MIDEAS: variants seen among roughly 807,000 people sequenced by gnomAD.
The protein encoded by MIDEAS is mitotic deacetylase-associated SANT domain protein.
MIDEAS carries 26 observed loss-of-function variants against 102.7 expected under a neutral mutation model. The observed-to-expected ratio is 0.25, with a 90% CI of 0.19 to 0.35. MIDEAS has a LOEUF of 0.35. Among genes scored for constraint, MIDEAS ranks in the 10% least tolerant of loss-of-function variants. The pLI is 1.00. For missense variants in MIDEAS, 1,231 were observed against 1,435.6 expected, an observed-to-expected ratio of 0.86 and a Z score of 2.30; for synonymous variants, 585 against 591.0, an observed-to-expected ratio of 0.99 and a Z score of 0.15.
chr14:73,782,808 TGACA>T (rs1203852142), intron 1 of MIDEAS, among the ~76,000 whole-genome samples: 1 of 152,178 alleles, frequency 6.6e-6, no homozygotes, highest in African/African-American at 2.4e-5. Flanking sequence ...GGGAAGATAC[TGACA>T]GTCAGGAAAG....
chr14:73,784,816 C>T (rs990684925), intron 1 of MIDEAS, among the ~76,000 whole-genome samples: 6 of 152,214 alleles, frequency 3.9e-5, no homozygotes, highest in African/African-American at 1.2e-4. Flanking sequence ...ACCATACATG[C>T]CAGACTTTCC....
chr14:73,766,273 G>T (rs2065254760), intron 1 of MIDEAS, among the ~76,000 whole-genome samples: 1 of 152,232 alleles, frequency 6.6e-6, no homozygotes, highest in African/African-American at 2.4e-5. Context: ...GCACAGCCTA[G>T]ATCTTCCTCA....
At chr14:73,771,583 C>G (rs1247736515) in intron 1 of MIDEAS, among the ~76,000 whole-genome samples, 1 of 152,186 alleles carries the variant, frequency 6.6e-6, no homozygotes, top group East Asian at 1.9e-4. Flanking sequence ...AGGCCATTCA[C>G]CAGATGTCCA....
intron 2 of MIDEAS, 30 bp from the exon 3 acceptor site, chr14:73,737,327 TA>T (rs1566590958): frequency 6.3e-7 from 1 of 1,592,606 alleles, no homozygotes; most frequent in Non-Finnish European, 8.6e-7. Flanking sequence ...AAGTGCAATT[TA>T]AAAGGTAAGT....
In MIDEAS at chr14:73,721,288, C is replaced by T. The variant is rs775171109; in HGVS notation, c.2937+9G>A. The T allele has an allele frequency of 6.2e-7, 1 of 1,611,232 alleles. No individual in the cohort carries two copies. ...TGCCCTGGGCTCAGCCCATGGTGGT[C>T]ACACTCACCGACTCATTGGCCTGTA... On this transcript the variant is annotated intron_variant, in intron 11 of 12. Transcript: ENST00000423556.
Position 73,718,677 on chromosome 14 carries a change from C to T in MIDEAS, c.*166G>A. On this transcript the variant is annotated 3_prime_UTR_variant, in exon 13 of 13. Coordinates refer to ENST00000423556, the MANE Select transcript of MIDEAS (RefSeq NM_001367710.1). ...GAGCCCTTAACGCTGCTCCCAGGGC[C>T]TTCATAAATAAAAGAGCCGTTTATG... 1.5e-6 allele frequency: 1 copy of T among 672,816 alleles called. No homozygotes were observed. The highest frequency in any genetic ancestry group is 2.2e-6 in the Non-Finnish European group (1 of 461,436). The allele number at this position is 672,816 out of a possible 1,614,324, so 41.7% of individuals were successfully genotyped here. A position where few individuals can be genotyped will look rare whatever the true frequency, so the allele number is the denominator to read the frequency against.
chr14:73,785,788 A>T (rs1052500439), intron 1 of MIDEAS, among the ~76,000 whole-genome samples: 3 of 152,190 alleles, frequency 2.0e-5, no homozygotes, highest in Admixed American at 1.3e-4. Flanking sequence ...GCTGCCTAAG[A>T]TAGGAGTGCA....
In MIDEAS at chr14:73,738,989, G is replaced by A; in HGVS notation, c.1020C>T (p.Ile340=). Residue 340 remains isoleucine, a synonymous_variant, in exon 2 of 13, where the codon ATC becomes ATT. Transcript: ENST00000423556. ...APQPALPQVQ[I]PFPRRSRRLS... ...GGCGGCGGGAGCGGCGGGGGAAGGG[G>A]ATCTGGACCTGAGGTAGCGCTGGCT... 3.9e-6 allele frequency: 6 copies of A among 1,536,216 alleles called. No homozygotes were observed. The Middle Eastern group carries it at 7.1e-4, about 181-fold the overall frequency.
At chr14:73,765,187 G>A (rs1361243412), upstream of MIDEAS, among the ~76,000 whole-genome samples, 1 of 152,200 alleles carries the variant, frequency 6.6e-6, no homozygotes, top group East Asian at 1.9e-4. Flanking sequence ...AGAGGAACAG[G>A]AACTCCAGAG....
intron 1 of MIDEAS, among the ~76,000 whole-genome samples, chr14:73,780,259 G>C (rs2053742750): frequency 6.6e-6 from 1 of 152,124 alleles, no homozygotes. Context: ...TACTCTCCCA[G>C]TGACAGATCC....
At chr14:73,730,817 G>T (rs2053128747) in intron 3 of MIDEAS, among the ~76,000 whole-genome samples, 2 of 152,164 alleles carry the variant, frequency 1.3e-5, no homozygotes, top group Admixed American at 6.5e-5. Context: ...AATTAGCCGG[G>T]CATGGTGGCG....
At chr14:73,740,795 G>A (rs17182558) in intron 1 of MIDEAS, among the ~76,000 whole-genome samples, 24,401 of 152,190 alleles carry the variant, frequency 0.16, 2,195 homozygotes, top group South Asian at 0.28. Flanking sequence ...CACATCTCAG[G>A]CTCGGGAAGT....
At chr14:73,736,923 C>T (rs1435057657) in intron 3 of MIDEAS, 75 bp downstream of exon 3, 21 of 1,438,946 alleles carry the variant, frequency 1.5e-5, no homozygotes, top group Non-Finnish European at 1.9e-5. Context: ...TTGCCATGTT[C>T]TCCTTTCCCC....
intron 1 of MIDEAS, among the ~76,000 whole-genome samples, chr14:73,747,406 C>T (rs975668921): frequency 6.6e-6 from 1 of 152,100 alleles, no homozygotes; most frequent in Non-Finnish European, 1.5e-5. Flanking sequence ...AAGCAAGTGC[C>T]ACCAGGACTA....
Position 73,715,901 on chromosome 14 carries a change from G to A in MIDEAS, c.*2942C>T, listed in dbSNP as rs1335277360. ...TACCTTAGCTGTGAGGGGGGCTGCTGAAGGCATGGAGGACAGTAATGACGG... is the reference window on the plus strand; with the variant it reads ...TACCTTAGCTGTGAGGGGGGCTGCTAAAGGCATGGAGGACAGTAATGACGG... On this transcript the variant is annotated 3_prime_UTR_variant, in exon 13 of 13. Transcript: ENST00000423556. 6.6e-6 allele frequency: 1 copy of A among 152,480 alleles called. No homozygotes were observed. The highest frequency in any genetic ancestry group is 2.4e-5 in the African/African-American group (1 of 41,448). The allele number at this position is 152,480 out of a possible 1,614,324, so 9.4% of individuals were successfully genotyped here.
In MIDEAS at chr14:73,743,153, C is replaced by T. The variant is rs542540846; in HGVS notation, c.-247-2898G>A. 2.0e-5 allele frequency among the ~76,000 whole-genome samples: 3 copies of T among 152,194 alleles called. No individual in the cohort carries two copies. The South Asian group carries it at 6.2e-4, about 32-fold the overall frequency. On this transcript the variant is annotated intron_variant, in intron 1 of 12. Coordinates refer to ENST00000423556, the MANE Select transcript of MIDEAS (RefSeq NM_001367710.1). Reference sequence around the variant, plus strand: ...CAAGATATGCCACTAAGACCCCAGACCCCTCTTCATACACCTCCCTTCCAC... The same window carrying T: ...CAAGATATGCCACTAAGACCCCAGATCCCTCTTCATACACCTCCCTTCCAC...
intron 1 of MIDEAS, among the ~76,000 whole-genome samples, chr14:73,774,959 A>ACC (rs1420266079): frequency 1.3e-5 from 2 of 151,856 alleles, no homozygotes; most frequent in Non-Finnish European, 2.9e-5. Context: ...CCTGCAACTG[A>ACC]CCCCAGCATC....
intron 1 of MIDEAS, among the ~76,000 whole-genome samples, chr14:73,778,150 T>C (rs1392281517): frequency 4.0e-5 from 6 of 150,990 alleles, no homozygotes. Context: ...AGGTCAGGAG[T>C]TCAGGAGCAG....
chr14:73,737,058 T>C lies in MIDEAS; in HGVS notation c.1689A>G (p.Pro563=), dbSNP rs1479285627. The change falls in exon 3 of 13, where the codon CCA becomes CCG. Residue 563 remains proline (P), a synonymous_variant. Coordinates refer to ENST00000423556, the MANE Select transcript of MIDEAS (RefSeq NM_001367710.1). ...ACCGCCTGCGGGTGACGATGACTGATGGCTTGTGCTCAGCAGGGTTCTGTT... is the reference window on the plus strand; with the variant it reads ...ACCGCCTGCGGGTGACGATGACTGACGGCTTGTGCTCAGCAGGGTTCTGTT... ...GPEQNPAEHK[P]SVIVTRRRST... is the part of the protein sequence containing the mutation. The C allele has an allele frequency of 1.2e-6, 2 of 1,614,060 alleles. No homozygotes were observed. The highest frequency in any genetic ancestry group is 1.7e-6 in the Non-Finnish European group (2 of 1,180,036).
Sources: allele counts gnomAD v4.1 joint callset (sites outside exome capture counted in the v4.1 genomes callset), GRCh38; gene constraint gnomAD v4.1.1; transcripts MANE v1.5; gene names NCBI Gene and HGNC (gene_info 2026-07-23, HGNC 2026-07-21).